The following NTNG1 variants were observed in gnomAD, a reference collection of about 807,000 sequenced individuals.
NTNG1 encodes the protein netrin-G1.
A neutral mutation model predicts 54.0 loss-of-function variants in NTNG1; 16 were observed. That is an observed-to-expected ratio of 0.30 (90% CI 0.20 to 0.45). The LOEUF (loss-of-function observed/expected upper bound fraction) is 0.45. Ranked by LOEUF, NTNG1 falls within the 20% of genes least tolerant of loss-of-function variation. NTNG1 has a pLI of 1.00. For missense variants in NTNG1, 530 were observed against 678.7 expected (o/e 0.78, Z 2.43); for synonymous variants, 255 against 263.1 (o/e 0.97, Z 0.30).
At chr1:107,152,874 T>C (rs1654685477) in intron 2 of NTNG1, among the ~76,000 whole-genome samples, 1 of 152,190 alleles carries the variant, frequency 6.6e-6, no homozygotes, top group Non-Finnish European at 1.5e-5. Context: ...AATAACCTCA[T>C]TATGTTTACT....
chr1:107,466,995 T>C (rs1677648149), intron 7 of NTNG1, among the ~76,000 whole-genome samples: 1 of 152,220 alleles, frequency 6.6e-6, no homozygotes, highest in Admixed American at 6.5e-5. Context: ...AGGATTCCTC[T>C]GGATATTAGG....
chr1:107,254,354 G>A (rs1662798521), intron 2 of NTNG1, among the ~76,000 whole-genome samples: 3 of 152,232 alleles, frequency 2.0e-5, no homozygotes, highest in African/African-American at 7.2e-5. Context: ...TCTGTATCCA[G>A]TAAGCTAAAA....
At chr1:107,416,398 A>G (rs1674207257) in intron 5 of NTNG1, among the ~76,000 whole-genome samples, 1 of 152,150 alleles carries the variant, frequency 6.6e-6, no homozygotes, top group Non-Finnish European at 1.5e-5. Context: ...AATACAGAAG[A>G]CAATTATATT....
chr1:107,360,158 T>A (rs1056574859), intron 3 of NTNG1, among the ~76,000 whole-genome samples: 5 of 152,166 alleles, frequency 3.3e-5, no homozygotes, highest in African/African-American at 7.2e-5. Context: ...TGATTTTTTT[T>A]AGGAAAATGT....
At chr1:107,434,827 A>G (rs78595731) in intron 6 of NTNG1, among the ~76,000 whole-genome samples, 2,303 of 152,290 alleles carry the variant, frequency 0.015, 62 homozygotes, top group African/African-American at 0.052. Flanking sequence ...CATTACTCCA[A>G]TATCCACCAT....
chr1:107,258,512 A>G (rs964344988), intron 2 of NTNG1, among the ~76,000 whole-genome samples: 3 of 152,218 alleles, frequency 2.0e-5, no homozygotes, highest in African/African-American at 7.2e-5. Context: ...ATAGTTTATA[A>G]TAACAGCAAA....
At chr1:107,364,587 G>T (rs1184569049) in intron 3 of NTNG1, among the ~76,000 whole-genome samples, 1 of 152,122 alleles carries the variant, frequency 6.6e-6, no homozygotes, top group African/African-American at 2.4e-5. Context: ...GAAGGGCCTG[G>T]GGTACTCTCA....
At chr1:107,202,736 TA>T (rs1407067407) in intron 2 of NTNG1, among the ~76,000 whole-genome samples, 2 of 151,926 alleles carry the variant, frequency 1.3e-5, no homozygotes, top group Non-Finnish European at 2.9e-5. Context: ...CAGATTCTTG[TA>T]ACTATCACCA....
rs779802758 is a variant in NTNG1 at position 107,436,800 on chromosome 1, G to C, written c.1390+1G>C. The C allele has an allele frequency of 1.2e-6, 2 of 1,613,150 alleles. No homozygotes were observed. Among genetic ancestry groups the C allele is most frequent in the Non-Finnish European group, 8.5e-7 (1 of 1,179,414 alleles). ...AATTCCTGGCACTACGGCTGTCAACGTAAGTAACTCTGGGAGCTGCCCTCT... is the reference window on the plus strand; with the variant it reads ...AATTCCTGGCACTACGGCTGTCAACCTAAGTAACTCTGGGAGCTGCCCTCT... On this transcript the variant is annotated splice_donor_variant, in intron 7 of 7. Coordinates refer to ENST00000370068, the MANE Select transcript of NTNG1 (RefSeq NM_001113226.3). LOFTEE classifies it high-confidence loss of function.
chr1:107,386,165 ATTTTT>A (rs71098628), intron 3 of NTNG1, among the ~76,000 whole-genome samples: 11 of 120,778 alleles, frequency 9.1e-5, no homozygotes, highest in East Asian at 2.3e-4. Flanking sequence ...ATATATATAT[ATTTTT>A]TTTTTTTTCT....
chr1:107,388,506 CA>C (rs567065503), intron 3 of NTNG1, among the ~76,000 whole-genome samples: 11 of 152,212 alleles, frequency 7.2e-5, no homozygotes, highest in Non-Finnish European at 1.5e-4. Context: ...AATGCATGAT[CA>C]TCTGTAATCA....
intron 2 of NTNG1, among the ~76,000 whole-genome samples, chr1:107,257,271 C>A (rs1405453235): frequency 6.6e-6 from 1 of 152,156 alleles, no homozygotes; most frequent in African/African-American, 2.4e-5. Flanking sequence ...GTGGAAACAT[C>A]ACTGAAATAT....
chr1:107,371,366 C>T (rs1670912806), intron 3 of NTNG1, among the ~76,000 whole-genome samples: 1 of 151,866 alleles, frequency 6.6e-6, no homozygotes, highest in African/African-American at 2.4e-5. Context: ...ATTCATTTTG[C>T]TAAATTTTTG....
chr1:107,215,209 CA>C, intron 2 of NTNG1, among the ~76,000 whole-genome samples: 1 of 152,150 alleles, frequency 6.6e-6, no homozygotes, highest in Non-Finnish European at 1.5e-5. Context: ...TTGCCTGAGC[CA>C]ATGTCGAGAA....
chr1:107,249,708 A>G (rs1391724859), intron 2 of NTNG1, among the ~76,000 whole-genome samples: 1 of 152,212 alleles, frequency 6.6e-6, no homozygotes, highest in Non-Finnish European at 1.5e-5. Context: ...GGACTTCACA[A>G]TTCCTGAGAA....
intron 2 of NTNG1, among the ~76,000 whole-genome samples, chr1:107,284,116 T>C (rs541121695): frequency 3.4e-4 from 52 of 152,264 alleles, no homozygotes; most frequent in African/African-American, 1.2e-3. Flanking sequence ...TCCTTGAGGG[T>C]AGGTGTTACC....
intron 3 of NTNG1, among the ~76,000 whole-genome samples, chr1:107,380,597 G>A (rs145682600): frequency 6.6e-6 from 1 of 152,266 alleles, no homozygotes; most frequent in African/African-American, 2.4e-5. Flanking sequence ...GTTCAATAGT[G>A]CTAGCTAATT....
intron 2 of NTNG1, among the ~76,000 whole-genome samples, chr1:107,222,988 T>A (rs1010561738): frequency 6.6e-6 from 1 of 151,928 alleles, no homozygotes; most frequent in African/African-American, 2.4e-5. Context: ...AGGGGGACTT[T>A]TTTGAGCCAA....
At position 107,305,951 on chromosome 1, in the gene NTNG1, T is replaced by C. The variant is rs1196314896; in HGVS notation, c.247-18331T>C. Among the ~76,000 whole-genome samples, 6 of 152,168 alleles carry C rather than the reference T, an allele frequency of 3.9e-5. No homozygotes were observed. In the South Asian group the frequency reaches 6.2e-4, roughly 16 times the overall value. ...TAATTAATTTACTTAACTATTTATT[T>C]TGTGAGCAAGCTTATCCCCTTTCCT... On this transcript the variant is annotated intron_variant, in intron 2 of 7. Transcript: ENST00000370068.
Sources: gnomAD v4.1 joint callset for allele counts (sites outside exome capture counted in the v4.1 genomes callset) on GRCh38, gnomAD v4.1.1 for gene constraint, MANE v1.5 for transcripts, NCBI Gene and HGNC (gene_info 2026-07-23, HGNC 2026-07-21) for gene names.